EP400: variants seen among roughly 807,000 people sequenced by gnomAD.
EP400 encodes E1A-binding protein p400.
EP400 carries 105 observed loss-of-function variants against 354.1 expected under a neutral mutation model. The observed-to-expected ratio is 0.30, with a 90% CI of 0.25 to 0.35. The LOEUF is 0.35. Ranked by LOEUF, EP400 falls within the 10% of genes least tolerant of loss-of-function variation. The probability of loss-of-function intolerance (pLI) is 1.00; values close to 1 mark genes in which losing one functional copy is unlikely to be tolerated. For missense variants in EP400, 3,280 were observed against 4,121.0 expected (o/e 0.80, Z 5.59); for synonymous variants, 1,646 against 1,716.9 (o/e 0.96, Z 1.02).
chr12:132,063,062 A>C (rs1895760417), intron 47 of EP400, among the ~76,000 whole-genome samples: 1 of 152,200 alleles, frequency 6.6e-6, no homozygotes, highest in Middle Eastern at 3.2e-3. Context: ...ATTCCTCAGC[A>C]GTGTTGGGAG....
chr12:132,045,510 G>C lies in EP400; in HGVS notation c.6976G>C (p.Gly2326Arg). Residue 2326 changes from glycine to arginine, a missense_variant, in exon 38 of 53, where the codon GGT becomes CGT. This residue lies in a region of EP400 where 231 missense variants were observed against 257.9 expected (regional missense o/e 0.90). Transcript: ENST00000389561. Reference sequence around the variant, plus strand: ...TTTTGCCAAACCCACAGCTGAGCCTGGTCAAGACAACCCCGAGTGGCTCAT... The same window carrying C: ...TTTTGCCAAACCCACAGCTGAGCCTCGTCAAGACAACCCCGAGTGGCTCAT... ...PTFAKPTAEP[G>R]QDNPEWLISE... 6.2e-7 allele frequency: 1 copy of C among 1,614,168 alleles called. No individual in the cohort carries two copies.
chr12:131,953,083 G>T (rs978657746), intron 1 of EP400, among the ~76,000 whole-genome samples: 1 of 152,130 alleles, frequency 6.6e-6, no homozygotes, highest in Admixed American at 6.6e-5. Flanking sequence ...ATTAGTTATT[G>T]GAAGAAGGGT....
Position 132,052,560 on chromosome 12 carries a change from G to C in EP400, c.7395-586G>C, listed in dbSNP as rs1489642920. Among the ~76,000 whole-genome samples the C allele has an allele frequency of 6.6e-6, 1 of 152,232 alleles. No homozygotes were observed. The highest frequency in any genetic ancestry group is 1.5e-5 in the Non-Finnish European group (1 of 68,044). On this transcript the variant is annotated intron_variant, in intron 41 of 52. Coordinates refer to ENST00000389561, the MANE Select transcript of EP400 (RefSeq NM_015409.5). The surrounding 1 kb of genome is among the most constrained non-coding windows in gnomAD (Gnocchi z 4.4). ...CTCCATAGCAGCCAGTACGTCTTCA[G>C]ACCCACTGCACATTTTACCTGTTTG...
In EP400 at chr12:132,076,252, GA is replaced by G. The variant is rs1364572157; in HGVS notation, c.9022-258del. ...AAACTTGCAGTCGTTTTTGTGAAAA[GA>G]AAAAATGTGTCTGAAATATGAGACC... On this transcript the variant is annotated intron_variant, in intron 51 of 52. Transcript: ENST00000389561. The G allele has an allele frequency of 1.2e-5, 6 of 483,502 alleles. No individual in the cohort carries two copies. In the East Asian group the frequency reaches 1.7e-4, roughly 14 times the overall value. 30.0% of individuals were successfully genotyped at this position (483,502 alleles called of 1,614,324 possible). A position where few individuals can be genotyped will look rare whatever the true frequency, so the allele number is the denominator to read the frequency against.
chr12:131,966,853 G>A (rs1236183455), intron 2 of EP400, among the ~76,000 whole-genome samples: 2 of 142,314 alleles, frequency 1.4e-5, no homozygotes, highest in Non-Finnish European at 3.0e-5. Flanking sequence ...ACAGTGAGCC[G>A]AGTTCACCCC....
At position 132,045,786 on chromosome 12, in the gene EP400, A is replaced by G; in HGVS notation, c.7086A>G (p.Thr2362=). The change falls in exon 39 of 53, where the codon ACA becomes ACG. Residue 2362 remains threonine, a synonymous_variant. Coordinates refer to ENST00000389561, the MANE Select transcript of EP400 (RefSeq NM_015409.5). ...TCACAATCGTGTCACCTGCTCACACACCTAATTGGGATCTTGTCAGTGACG... is the reference window on the plus strand; with the variant it reads ...TCACAATCGTGTCACCTGCTCACACGCCTAATTGGGATCTTGTCAGTGACG... The part of the protein sequence containing the change: ...LNLTIVSPAH[T]PNWDLVSDVV... 6.2e-7 allele frequency: 1 copy of G among 1,614,204 alleles called. No individual in the cohort carries two copies. The highest frequency in any genetic ancestry group is 2.2e-5 in the East Asian group (1 of 44,886).
At chr12:132,065,424 AGCTAGGG>A (rs1228978913) in intron 48 of EP400, 1 of 159,152 alleles carries the variant, frequency 6.3e-6, no homozygotes, top group East Asian at 1.8e-4. Context: ...ACTAGAGCTC[AGCTAGGG>A]GTACTGGTGA....
intron 47 of EP400, among the ~76,000 whole-genome samples, chr12:132,063,362 A>G (rs906782825): frequency 6.6e-6 from 1 of 152,114 alleles, no homozygotes; most frequent in Non-Finnish European, 1.5e-5. Context: ...GAAATACAAA[A>G]ATTAGCCGGA....
At chr12:131,973,940 A>G (rs1431252299) in intron 2 of EP400, among the ~76,000 whole-genome samples, 2 of 151,188 alleles carry the variant, frequency 1.3e-5, no homozygotes, top group East Asian at 3.9e-4. Context: ...TGGTTTTGTG[A>G]TCCTAACCCA....
At chr12:132,045,619 C>G in intron 38 of EP400, 59 bp downstream of exon 38, 8 of 1,605,720 alleles carry the variant, frequency 5.0e-6, no homozygotes, top group Non-Finnish European at 6.8e-6. Context: ...TAACGCACGT[C>G]CGTGCATCCA....
chr12:132,067,117 G>T lies in EP400; in HGVS notation c.8749+148G>T. The T allele has an allele frequency of 8.3e-7, 1 of 1,201,140 alleles. No individual in the cohort carries two copies. Among genetic ancestry groups the T allele is most frequent in the Non-Finnish European group, 1.1e-6 (1 of 888,780 alleles). The allele number at this position is 1,201,140 out of a possible 1,614,324, so 74.4% of individuals were successfully genotyped here. On this transcript the variant is annotated intron_variant, in intron 49 of 52. Coordinates refer to ENST00000389561, the MANE Select transcript of EP400 (RefSeq NM_015409.5). This position sits in a 1 kb window ranked among gnomAD's most constrained non-coding sequence, Gnocchi z 5.3. ...ACGTGTTCTAGCACAAACGTGCCTTGGCGCTTTCCAGGCGCAAGGCTGGGT... is the reference window on the plus strand; with the variant it reads ...ACGTGTTCTAGCACAAACGTGCCTTTGCGCTTTCCAGGCGCAAGGCTGGGT...
In EP400 at chr12:132,064,704, A is replaced by G. The variant is rs764030232; in HGVS notation, c.8371A>G (p.Met2791Val). The G allele has an allele frequency of 9.9e-6, 16 of 1,613,228 alleles. No homozygotes were observed. In the South Asian group the frequency reaches 1.6e-4, roughly 17 times the overall value. Residue 2791 changes from methionine (M) to valine (V), a missense_variant, in exon 48 of 53, where the codon ATG becomes GTG. Transcript: ENST00000389561. ...LIKMQKQKLQ[M>V]PPQPPPPQAQ... ...CAAAATGCAGAAGCAGAAACTGCAG[A>G]TGCCCCCGCAGCCCCCACCGCCACA...
rs763758796 is a variant in EP400, at chr12:132,077,566, C to G, written c.9265C>G (p.Pro3089Ala). ...APLQTPGAPN[P>A]AQVPASSDSP... Reference sequence around the variant, plus strand: ...GCTCCAGACTCCAGGCGCTCCCAACCCAGCCCAGGTGCCCGCCAGCTCCGA... The same window carrying G: ...GCTCCAGACTCCAGGCGCTCCCAACGCAGCCCAGGTGCCCGCCAGCTCCGA... Residue 3089 changes from proline (P) to alanine (A), a missense_variant, in exon 53 of 53, where the codon CCA (proline) becomes GCA (alanine). Around this residue, in one of 20 missense-constraint regions of EP400, gnomAD observed 279 missense variants for 386.7 expected, o/e 0.72. Coordinates refer to ENST00000389561, the MANE Select transcript of EP400 (RefSeq NM_015409.5). 51 of 1,613,772 alleles carry G rather than the reference C, an allele frequency of 3.2e-5. No homozygotes were observed. The highest frequency in any genetic ancestry group is 8.3e-5 in the Admixed American group (5 of 60,006).
Position 132,045,318 on chromosome 12 carries a change from G to C in EP400, c.6785-1G>C. On this transcript the variant is annotated splice_acceptor_variant, in intron 37 of 52. Coordinates refer to ENST00000389561, the MANE Select transcript of EP400 (RefSeq NM_015409.5). LOFTEE classifies it high-confidence loss of function. ...TTGCTGAAGACTGCCTCTCTGTTCAGCTGCAGGCAGGAAGAAGAAGCAGCG... is the reference window on the plus strand; with the variant it reads ...TTGCTGAAGACTGCCTCTCTGTTCACCTGCAGGCAGGAAGAAGAAGCAGCG... 7 of 1,614,130 alleles carry C rather than the reference G, an allele frequency of 4.3e-6. No individual in the cohort carries two copies. Among genetic ancestry groups the C allele is most frequent in the Non-Finnish European group, 5.9e-6 (7 of 1,180,020 alleles).
intron 2 of EP400, among the ~76,000 whole-genome samples, 180 bp from the exon 3 acceptor site, chr12:131,979,514 T>G (rs778218561): frequency 1.3e-5 from 2 of 152,168 alleles, no homozygotes; most frequent in Non-Finnish European, 2.9e-5. Flanking sequence ...AGTTAGAACT[T>G]TAAATTGTTT....
chr12:132,043,909 C>T (rs1457849627), intron 34 of EP400, among the ~76,000 whole-genome samples, 181 bp downstream of exon 34: 3 of 152,056 alleles, frequency 2.0e-5, no homozygotes, highest in Admixed American at 6.5e-5. Context: ...AGCTTGTTCA[C>T]CCCCACGTAG....
At chr12:131,976,182 A>G (rs945226920) in intron 2 of EP400, among the ~76,000 whole-genome samples, 2 of 152,172 alleles carry the variant, frequency 1.3e-5, no homozygotes, top group African/African-American at 2.4e-5. Flanking sequence ...TTGGGCATAC[A>G]TATTAAGGTC....
At chr12:131,964,177 C>T (rs980388597) in intron 2 of EP400, among the ~76,000 whole-genome samples, 1 of 151,990 alleles carries the variant, frequency 6.6e-6, no homozygotes, top group Admixed American at 6.6e-5. Flanking sequence ...TTAGTAATGC[C>T]AATAATTTAA....
intron 12 of EP400, among the ~76,000 whole-genome samples, chr12:131,997,197 G>T (rs775747279): frequency 6.6e-6 from 1 of 151,748 alleles, no homozygotes; most frequent in Non-Finnish European, 1.5e-5. Flanking sequence ...CTTACTAATA[G>T]CCTACTGTTG....
Sources: gnomAD v4.1 joint callset for allele counts (sites outside exome capture counted in the v4.1 genomes callset) on GRCh38, gnomAD v4.1.1 for gene constraint, gnomAD v4.1.1 regional missense constraint, Gnocchi (gnomAD v3.1) non-coding constraint, MANE v1.5 for transcripts, NCBI Gene and HGNC (gene_info 2026-07-23, HGNC 2026-07-21) for gene names.